SSTR5: variants seen among roughly 807,000 people sequenced by gnomAD.
SSTR5 encodes somatostatin receptor type 5.
SSTR5 carries 1 observed loss-of-function variant against 0.3 expected under a neutral mutation model. The observed-to-expected ratio is 2.98, with a 90% CI of 1.06 to 14.15. The LOEUF (loss-of-function observed/expected upper bound fraction) is 14.15. Ranked by LOEUF, SSTR5 falls within the 30% of genes most tolerant of loss-of-function variation. The pLI is 0.12. For missense variants in SSTR5, 516 were observed against 543.2 expected (o/e 0.95, Z 0.50); for synonymous variants, 256 against 263.1 (o/e 0.97, Z 0.26).
At chr16:1,075,728 C>T (rs1031363510) in intron 1 of SSTR5, among the ~76,000 whole-genome samples, 4 of 151,916 alleles carry the variant, frequency 2.6e-5, no homozygotes, top group African/African-American at 9.7e-5. Context: ...GGGCTGTCTC[C>T]AGACCACTGT....
chr16:1,079,079 A>G lies in SSTR5; in HGVS notation c.211A>G (p.Met71Val). 6.2e-7 allele frequency: 1 copy of G among 1,612,630 alleles called. No homozygotes were observed. Among genetic ancestry groups the G allele is most frequent in the South Asian group, 1.1e-5 (1 of 91,082 alleles). ...VIYVVLRFAK[M>V]KTVTNIYILN... ...CTACGTGGTGCTGCGCTTCGCCAAG[A>G]TGAAGACCGTCACCAACATCTACAT... Residue 71 changes from methionine to valine, a missense_variant, in exon 2 of 2, where the codon ATG (methionine) becomes GTG (valine). Physicochemically the swap from Met to Val is conservative, Grantham distance 21 (BLOSUM62 1). Coordinates refer to ENST00000689027, the MANE Select transcript of SSTR5 (RefSeq NM_001172560.3).
Position 1,079,163 on chromosome 16 carries a change from C to T in SSTR5, c.295C>T (p.Gln99Ter). ...YMLGLPFLAT[Q>*]NAASFWPFGP... ...GCTGGGGCTGCCTTTCCTGGCCACG[C>T]AGAACGCCGCGTCCTTCTGGCCCTT... Residue 99 changes from glutamine to a stop codon, truncating the protein, a stop_gained, in exon 2 of 2, where the codon CAG becomes TAG. Transcript: ENST00000689027. LOFTEE classifies it low-confidence loss of function (END_TRUNC). 6.2e-7 allele frequency: 1 copy of T among 1,612,626 alleles called. No homozygotes were observed. The highest frequency in any genetic ancestry group is 8.5e-7 in the Non-Finnish European group (1 of 1,179,950).
In SSTR5 at chr16:1,078,974, G is replaced by A; in HGVS notation, c.106G>A (p.Ala36Thr). The A allele has an allele frequency of 6.3e-7, 1 of 1,590,640 alleles. No individual in the cohort carries two copies. The highest frequency in any genetic ancestry group is 8.5e-7 in the Non-Finnish European group (1 of 1,170,540). Residue 36 changes from alanine to threonine, a missense_variant, in exon 2 of 2, where the codon GCA (alanine) becomes ACA (threonine). By Grantham distance (58) the Ala-to-Thr change is moderately conservative. Coordinates refer to ENST00000689027, the MANE Select transcript of SSTR5 (RefSeq NM_001172560.3). ...NRTLVGPAPS[A>T]GARAVLVPVL... The stretch of plus-strand genomic sequence containing the variant: ...GACGCTGGTGGGGCCGGCGCCCTCG[G>A]CAGGGGCCCGGGCGGTGCTGGTGCC...
In SSTR5 at chr16:1,080,941, G is replaced by C. The variant is rs982584753; in HGVS notation, c.*978G>C. On this transcript the variant is annotated 3_prime_UTR_variant, in exon 2 of 2. Transcript: ENST00000689027. Reference sequence around the variant, plus strand: ...GGGCTCTGGCCCGGGAGAGGGAACGGGGACAGGAGCAGAGGACGGTCATCC... The same window carrying C: ...GGGCTCTGGCCCGGGAGAGGGAACGCGGACAGGAGCAGAGGACGGTCATCC... The C allele has an allele frequency of 2.3e-6, 1 of 426,636 alleles. No individual in the cohort carries two copies. Among genetic ancestry groups the C allele is most frequent in the Non-Finnish European group, 4.9e-6 (1 of 202,120 alleles). 26.4% of individuals were successfully genotyped at this position (426,636 alleles called of 1,614,324 possible).
chr16:1,075,568 T>C (rs560026115), intron 1 of SSTR5, among the ~76,000 whole-genome samples: 50 of 152,168 alleles, frequency 3.3e-4, no homozygotes, highest in Middle Eastern at 6.8e-3. Context: ...GCCCTCTCCC[T>C]GTCCCACCAT....
rs35861009 is a variant in SSTR5 at position 1,080,152 on chromosome 16, C to A, written c.*189C>A. On this transcript the variant is annotated 3_prime_UTR_variant, in exon 2 of 2. Coordinates refer to ENST00000689027, the MANE Select transcript of SSTR5 (RefSeq NM_001172560.3). ...CACCGTGACCGACCATCCCCTCTAA[C>A]CGTCTGCCACACAGCGGGGGCTCCC... 2.7e-3 allele frequency: 2,046 copies of A among 769,406 alleles called. 67 individuals carry two copies. The Admixed American group carries it at 0.06, about 23-fold the overall frequency. 47.7% of individuals were successfully genotyped at this position (769,406 alleles called of 1,614,324 possible).
At chr16:1,075,682 C>T (rs1333209889) in intron 1 of SSTR5, among the ~76,000 whole-genome samples, 7 of 151,756 alleles carry the variant, frequency 4.6e-5, no homozygotes, top group Admixed American at 6.6e-5. Flanking sequence ...GCACCTGGGC[C>T]GCCATCCCAC....
In SSTR5 at chr16:1,072,789, G is replaced by A. The variant is rs1376322233; in HGVS notation, c.-61G>A. Among the ~76,000 whole-genome samples the A allele has an allele frequency of 2.1e-5, 3 of 141,804 alleles. No homozygotes were observed. The highest frequency in any genetic ancestry group is 5.2e-5 in the African/African-American group (2 of 38,354). The allele number at this position is 141,804 out of a possible 152,430, so 93.0% of individuals were successfully genotyped here. Reference sequence around the variant, plus strand: ...CCGGAGCCAGTGCCGCGCGGACATCGGGGCTCCCCCGTTCAGAGGGCGCCG... The same window carrying A: ...CCGGAGCCAGTGCCGCGCGGACATCAGGGCTCCCCCGTTCAGAGGGCGCCG... On this transcript the variant is annotated 5_prime_UTR_variant, in exon 1 of 2. Coordinates refer to ENST00000689027, the MANE Select transcript of SSTR5 (RefSeq NM_001172560.3).
In SSTR5 at chr16:1,079,934, A is replaced by C. The variant is rs766431249; in HGVS notation, c.1066A>C (p.Asn356His). Residue 356 changes from asparagine (N) to histidine (H), a missense_variant, in exon 2 of 2, where the codon AAC (asparagine) becomes CAC (histidine). Asn to His is a moderately conservative substitution (Grantham distance 68). Coordinates refer to ENST00000689027, the MANE Select transcript of SSTR5 (RefSeq NM_001172560.3). ...ATPPAHRAAA[N>H]GLMQTSKL ...GCCACCCGCGCACCGCGCCGCAGCCAACGGGCTTATGCAGACCAGCAAGCT... is the reference window on the plus strand; with the variant it reads ...GCCACCCGCGCACCGCGCCGCAGCCCACGGGCTTATGCAGACCAGCAAGCT... 44 of 1,605,530 alleles carry C rather than the reference A, an allele frequency of 2.7e-5. No individual in the cohort carries two copies. In the South Asian group the frequency reaches 4.9e-4, roughly 18 times the overall value.
Position 1,080,021 on chromosome 16 carries a change from C to A in SSTR5, c.*58C>A, listed in dbSNP as rs923418964. 4.6e-6 allele frequency: 7 copies of A among 1,509,020 alleles called. No homozygotes were observed. The East Asian group carries it at 7.2e-5, about 15-fold the overall frequency. The allele number at this position is 1,509,020 out of a possible 1,614,324, so 93.5% of individuals were successfully genotyped here. ...ACCCCCAGGAGCGGAGGTTGCACTG[C>A]GGTGACCCCCACCCATGACCTGCCA... On this transcript the variant is annotated 3_prime_UTR_variant, in exon 2 of 2. Coordinates refer to ENST00000689027, the MANE Select transcript of SSTR5 (RefSeq NM_001172560.3).
chr16:1,077,273 C>A (rs1173999699), intron 1 of SSTR5, among the ~76,000 whole-genome samples: 1 of 152,206 alleles, frequency 6.6e-6, no homozygotes, highest in East Asian at 1.9e-4. Flanking sequence ...GCCGGCTCCA[C>A]CCCTGCTCAG....
intron 1 of SSTR5, chr16:1,078,166 G>A (rs1396114182): frequency 3.2e-5 from 5 of 154,416 alleles, no homozygotes; most frequent in African/African-American, 1.2e-4. Context: ...GTGTCTCTCT[G>A]GCCCTGTGCT....
intron 1 of SSTR5, among the ~76,000 whole-genome samples, chr16:1,076,817 C>G (rs2151555928): frequency 6.6e-6 from 1 of 152,148 alleles, no homozygotes; most frequent in African/African-American, 2.4e-5. Flanking sequence ...AGACAGAAGC[C>G]AAATGTATTT....
In SSTR5 at chr16:1,079,024, G is replaced by A. The variant is rs4988485; in HGVS notation, c.156G>A (p.Ala52=). Residue 52 remains alanine (A), a synonymous_variant, in exon 2 of 2, where the codon GCG becomes GCA. Transcript: ENST00000689027. The part of the protein sequence containing the change: ...LVPVLYLLVC[A]AGLGGNTLVI... ...CCGTGCTGTACCTGCTGGTGTGTGC[G>A]GCCGGGCTGGGCGGGAACACGCTGG... 1.7e-3 allele frequency: 2,711 copies of A among 1,606,548 alleles called. 22 individuals carry two copies. The highest frequency in any genetic ancestry group is 1.1e-3 in the Non-Finnish European group (1,248 of 1,177,470).
In SSTR5 at chr16:1,080,111, A is replaced by T. The variant is rs1319007833; in HGVS notation, c.*148A>T. On this transcript the variant is annotated 3_prime_UTR_variant, in exon 2 of 2. Coordinates refer to ENST00000689027, the MANE Select transcript of SSTR5 (RefSeq NM_001172560.3). ...GCTGAAGCCAGGCTGGGGTAGACACAGGGCAGTAGGTTCCCCACCGTGACC... is the reference window on the plus strand; with the variant it reads ...GCTGAAGCCAGGCTGGGGTAGACACTGGGCAGTAGGTTCCCCACCGTGACC... 1.8e-6 allele frequency: 2 copies of T among 1,084,838 alleles called. No homozygotes were observed. Among genetic ancestry groups the T allele is most frequent in the Non-Finnish European group, 2.6e-6 (2 of 769,148 alleles). The allele number at this position is 1,084,838 out of a possible 1,614,324, so 67.2% of individuals were successfully genotyped here.
chr16:1,072,765 C>G lies in SSTR5; in HGVS notation c.-85C>G, dbSNP rs1184689226. ...CCCTCCCAGCCGGCGCCCGGGAGCC[C>G]GGAGCCAGTGCCGCGCGGACATCGG... On this transcript the variant is annotated 5_prime_UTR_variant, in exon 1 of 2. Coordinates refer to ENST00000689027, the MANE Select transcript of SSTR5 (RefSeq NM_001172560.3). 6.8e-6 allele frequency among the ~76,000 whole-genome samples: 1 copy of G among 147,662 alleles called. No individual in the cohort carries two copies. Among genetic ancestry groups the G allele is most frequent in the Non-Finnish European group, 1.5e-5 (1 of 67,006 alleles).
intron 1 of SSTR5, among the ~76,000 whole-genome samples, chr16:1,077,414 C>T (rs1442331101): frequency 1.3e-5 from 2 of 152,216 alleles, no homozygotes; most frequent in Admixed American, 6.5e-5. Context: ...CCGCCCCACT[C>T]GTCAGGGGAG....
chr16:1,077,036 T>C (rs543092541), intron 1 of SSTR5, among the ~76,000 whole-genome samples: 1 of 152,312 alleles, frequency 6.6e-6, no homozygotes, highest in African/African-American at 2.4e-5. Context: ...CAGAGGGCTT[T>C]CTCTTTGTGC....
chr16:1,076,937 C>T (rs1960223898), intron 1 of SSTR5, among the ~76,000 whole-genome samples: 2 of 152,162 alleles, frequency 1.3e-5, no homozygotes. Flanking sequence ...TCCATGGGTC[C>T]ACTGGCCCTG....
Sources: gnomAD v4.1 joint callset for allele counts (sites outside exome capture counted in the v4.1 genomes callset) on GRCh38, gnomAD v4.1.1 for gene constraint, MANE v1.5 for transcripts, NCBI Gene and HGNC (gene_info 2026-07-23, HGNC 2026-07-21) for gene names.